SOS1: variants seen among roughly 807,000 people sequenced by gnomAD.
SOS1 encodes the protein SOS Ras/Rac guanine nucleotide exchange factor 1.
SOS1 carries 25 observed loss-of-function variants against 157.6 expected under a neutral mutation model. That is an observed-to-expected ratio of 0.16 (90% CI 0.12 to 0.22). The LOEUF is 0.22. Among genes scored for constraint, SOS1 ranks in the 10% least tolerant of loss-of-function variants. The probability of loss-of-function intolerance (pLI) is 1.00; values close to 1 mark genes in which losing one functional copy is unlikely to be tolerated. For missense variants in SOS1, 1,237 were observed against 1,599.1 expected (o/e 0.77, Z 3.86); for synonymous variants, 528 against 534.0 (o/e 0.99, Z 0.16).
chr2:39,010,016 T>C (rs1268016066), intron 15 of SOS1, among the ~76,000 whole-genome samples: 6 of 152,066 alleles, frequency 3.9e-5, no homozygotes, highest in African/African-American at 1.2e-4. Context: ...ATGAGACATA[T>C]AGAAATAAAA....
intron 1 of SOS1, among the ~76,000 whole-genome samples, chr2:39,105,899 C>CAAAAAG (rs1435610387): frequency 2.0e-5 from 3 of 151,556 alleles, no homozygotes; most frequent in Non-Finnish European, 2.9e-5. Context: ...GACTCTGTCT[C>CAAAAAG]AAAAAGAAAA....
At chr2:39,013,041 A>G (rs1435478836) in intron 13 of SOS1, among the ~76,000 whole-genome samples, 11 of 152,178 alleles carry the variant, frequency 7.2e-5, no homozygotes, top group Admixed American at 7.2e-4. Flanking sequence ...GATTTTGCCC[A>G]AAGTCACGTA....
rs113295233 is a variant in SOS1 at position 39,050,852 on chromosome 2, T to C, written c.864+292A>G. Among the ~76,000 whole-genome samples, 1,326 of 152,318 alleles carry C rather than the reference T, an allele frequency of 8.7e-3. 11 individuals are homozygous for C. The highest frequency in any genetic ancestry group is 0.014 in the Middle Eastern group (4 of 294). On this transcript the variant is annotated intron_variant, in intron 6 of 22. Transcript: ENST00000402219. Reference sequence around the variant, plus strand: ...GCAAGTTCTGTGGTCTCTTACTTAATAGTCATTCATTGACATTTCTTAACG... The same window carrying C: ...GCAAGTTCTGTGGTCTCTTACTTAACAGTCATTCATTGACATTTCTTAACG...
intron 17 of SOS1, among the ~76,000 whole-genome samples, chr2:39,006,165 T>A (rs1669277140): frequency 6.6e-6 from 1 of 152,110 alleles, no homozygotes; most frequent in Non-Finnish European, 1.5e-5. Context: ...AAGGCTTTTA[T>A]AAATATAAAA....
chr2:39,119,749 T>C lies in SOS1; in HGVS notation c.87+587A>G, dbSNP rs145987788. Among the ~76,000 whole-genome samples the C allele has an allele frequency of 7.8e-3, 1,194 of 152,180 alleles. 10 individuals are homozygous for C. The highest frequency in any genetic ancestry group is 0.014 in the Non-Finnish European group (941 of 67,986). ...TGACAGCACCAAGAATCTCGAACGC[T>C]GCAAAAACAAAACAAAACCCCCCTG... On this transcript the variant is annotated intron_variant, in intron 1 of 22. Coordinates refer to ENST00000402219, the MANE Select transcript of SOS1 (RefSeq NM_005633.4).
At chr2:39,087,806 G>C (rs115730313) in intron 1 of SOS1, among the ~76,000 whole-genome samples, 1 of 152,028 alleles carries the variant, frequency 6.6e-6, no homozygotes, top group Non-Finnish European at 1.5e-5. Flanking sequence ...GGCCTCTAGC[G>C]TAACTGGGAC....
intron 21 of SOS1, among the ~76,000 whole-genome samples, chr2:38,988,997 T>A (rs1165875930): frequency 6.6e-6 from 1 of 151,294 alleles, no homozygotes; most frequent in Non-Finnish European, 1.5e-5. Flanking sequence ...ACTCTATAGT[T>A]GGAAAAAAGA....
At position 39,086,283 on chromosome 2, in the gene SOS1, T is replaced by C. The variant is rs150920087; in HGVS notation, c.88-18530A>G. 2.6e-4 allele frequency among the ~76,000 whole-genome samples: 40 copies of C among 152,290 alleles called. No individual in the cohort carries two copies. In the East Asian group the frequency reaches 7.1e-3, roughly 27 times the overall value. ...TTCTAGGCAAAGGAAGCAGACTATA[T>C]ACAAGTGAAGGGAAGAGTAAAGGAA... On this transcript the variant is annotated intron_variant, in intron 1 of 22. Coordinates refer to ENST00000402219, the MANE Select transcript of SOS1 (RefSeq NM_005633.4).
chr2:39,087,765 T>C (rs552401593), intron 1 of SOS1, among the ~76,000 whole-genome samples: 1 of 152,236 alleles, frequency 6.6e-6, no homozygotes, highest in South Asian at 2.1e-4. Context: ...GCCTCCCCTC[T>C]CCTCCCAGGA....
intron 4 of SOS1, 27 bp from the exon 5 acceptor site, chr2:39,054,850 A>G (rs758271051): frequency 7.3e-6 from 8 of 1,103,336 alleles, no homozygotes; most frequent in East Asian, 4.7e-5. Context: ...ATAAAAAAGT[A>G]TAATAAAATA....
intron 8 of SOS1, among the ~76,000 whole-genome samples, chr2:39,028,597 T>G (rs1670051332): frequency 6.6e-6 from 1 of 152,218 alleles, no homozygotes; most frequent in Non-Finnish European, 1.5e-5. Flanking sequence ...AATTCTTGAC[T>G]TTCAGTCCCG....
At chr2:39,063,612 G>A (rs1244270762) in intron 2 of SOS1, among the ~76,000 whole-genome samples, 2 of 152,114 alleles carry the variant, frequency 1.3e-5, no homozygotes, top group African/African-American at 4.8e-5. Context: ...ATAATCTGTA[G>A]TACAATTTAT....
At chr2:39,059,102 A>T (rs1259177267) in intron 2 of SOS1, among the ~76,000 whole-genome samples, 1 of 152,138 alleles carries the variant, frequency 6.6e-6, no homozygotes, top group Non-Finnish European at 1.5e-5. Flanking sequence ...TTTAAATAGT[A>T]CTTGTATAAA....
At chr2:39,010,474 C>G (rs568509520) in intron 15 of SOS1, 110 bp downstream of exon 15, 1 of 983,420 alleles carries the variant, frequency 1.0e-6, no homozygotes, top group Non-Finnish European at 1.6e-6. Context: ...TGCACTCCAG[C>G]CTATGTGACA....
At chr2:39,088,035 A>C (rs1672439862) in intron 1 of SOS1, among the ~76,000 whole-genome samples, 1 of 150,584 alleles carries the variant, frequency 6.6e-6, no homozygotes, top group South Asian at 2.1e-4. Flanking sequence ...TCACATTACC[A>C]CATGAAGTAA....
chr2:39,121,598 A>G (rs1473441905), upstream of SOS1, among the ~76,000 whole-genome samples: 1 of 152,028 alleles, frequency 6.6e-6, no homozygotes, highest in African/African-American at 2.4e-5. Context: ...CCAGAAATGA[A>G]CTCCAGTAAG....
rs1166075799 is a variant in SOS1, at chr2:39,120,544, C to G, written c.-122G>C. 1 of 1,071,188 alleles carries G rather than the reference C, an allele frequency of 9.3e-7. No homozygotes were observed. Among genetic ancestry groups the G allele is most frequent in the Non-Finnish European group, 1.1e-6 (1 of 885,012 alleles). The allele number at this position is 1,071,188 out of a possible 1,614,324, so 66.4% of individuals were successfully genotyped here. A position where few individuals can be genotyped will look rare whatever the true frequency, so the allele number is the denominator to read the frequency against. On this transcript the variant is annotated 5_prime_UTR_variant, in exon 1 of 23. Transcript: ENST00000402219. ...GCCCCACCGGACGGCCCGGCCCCCT[C>G]CGGGCGCCGCGCAGCCGGGCTAGCC...
chr2:39,038,888 A>T (rs1670454741), intron 6 of SOS1, among the ~76,000 whole-genome samples: 1 of 152,238 alleles, frequency 6.6e-6, no homozygotes, highest in African/African-American at 2.4e-5. Context: ...TACTGAAAGA[A>T]TTTCTACTGT....
At chr2:39,004,742 C>T (rs981034280) in intron 17 of SOS1, among the ~76,000 whole-genome samples, 3 of 150,258 alleles carry the variant, frequency 2.0e-5, no homozygotes, top group South Asian at 4.2e-4. Flanking sequence ...GCAGGAGATA[C>T]GAAAAATGAC....
Sources: allele counts gnomAD v4.1 joint callset (sites outside exome capture counted in the v4.1 genomes callset), GRCh38; gene constraint gnomAD v4.1.1; transcripts MANE v1.5; gene names NCBI Gene and HGNC (gene_info 2026-07-23, HGNC 2026-07-21).